Variants in CNTN4 observed in about 807,000 individuals in gnomAD.
CNTN4 encodes contactin-4.
In CNTN4, 77 loss-of-function variants were observed where a neutral mutation model predicts 122.5. The observed-to-expected ratio is 0.63, with a 90% CI of 0.52 to 0.76. CNTN4 has a LOEUF of 0.76. CNTN4 is among the 30% of genes least tolerant of loss of function. The pLI, the probability that CNTN4 is intolerant of heterozygous loss-of-function variation, is 0.00. For synonymous variants in CNTN4, 512 were observed against 447.0 expected, an observed-to-expected ratio of 1.15 and a Z score of -1.83; for missense variants, 1,256 against 1,259.1, an observed-to-expected ratio of 1.00 and a Z score of 0.04.
Position 2,745,690 on chromosome 3 carries a change from G to A in CNTN4, c.351G>A (p.Gln117=). 6.2e-7 allele frequency: 1 copy of A among 1,613,896 alleles called. No individual in the cohort carries two copies. The highest frequency in any genetic ancestry group is 1.1e-5 in the South Asian group (1 of 91,090). ...TTGTTAGCAGAGAAGCAAAGCTTCA[G>A]TTTGCTTGTAAGTAGCAATTATACA... ...GTIVSREAKL[Q]FAYLDNFKTR... Residue 117 remains glutamine (Q), a synonymous_variant, in exon 6 of 25, where the codon CAG becomes CAA. Transcript: ENST00000418658.
intron 8 of CNTN4, among the ~76,000 whole-genome samples, chr3:2,868,338 A>G (rs985091462): frequency 1.3e-5 from 2 of 152,140 alleles, no homozygotes; most frequent in Non-Finnish European, 2.9e-5. Flanking sequence ...TGTCTTACTG[A>G]CTCCAGAGCC....
intron 12 of CNTN4, among the ~76,000 whole-genome samples, chr3:2,911,199 G>A (rs1432179813): frequency 8.1e-6 from 1 of 122,708 alleles, no homozygotes; most frequent in African/African-American, 3.2e-5. Flanking sequence ...TGAGAACAAA[G>A]TCTTATCAAC....
intron 2 of CNTN4, among the ~76,000 whole-genome samples, chr3:2,298,495 T>G (rs545708695): frequency 6.6e-6 from 1 of 152,214 alleles, no homozygotes; most frequent in Non-Finnish European, 1.5e-5. Context: ...AAAATGGAAT[T>G]TGAAAATTTC....
intron 2 of CNTN4, among the ~76,000 whole-genome samples, chr3:2,171,990 C>G (rs1319889159): frequency 1.3e-5 from 2 of 152,128 alleles, no homozygotes; most frequent in East Asian, 3.9e-4. Context: ...TTTCTGGAGC[C>G]CACGCTCAAT....
intron 13 of CNTN4, among the ~76,000 whole-genome samples, chr3:2,980,379 T>C (rs981077645): frequency 1.6e-5 from 2 of 128,820 alleles, no homozygotes; most frequent in Admixed American, 7.9e-5. Context: ...AGGACTAACC[T>C]GTTCTAAGCC....
intron 7 of CNTN4, among the ~76,000 whole-genome samples, chr3:2,852,635 C>A (rs1209093278): frequency 6.6e-6 from 1 of 152,136 alleles, no homozygotes; most frequent in African/African-American, 2.4e-5. Flanking sequence ...CTCCATTTTT[C>A]AGATGAGAAA....
chr3:2,583,066 T>G (rs1559266908), intron 4 of CNTN4, among the ~76,000 whole-genome samples: 1 of 152,184 alleles, frequency 6.6e-6, no homozygotes, highest in Non-Finnish European at 1.5e-5. Context: ...CTATATTGTT[T>G]CCACATGCGT....
chr3:2,544,190 C>T (rs771634800), intron 3 of CNTN4, among the ~76,000 whole-genome samples: 2 of 152,068 alleles, frequency 1.3e-5, no homozygotes, highest in African/African-American at 4.8e-5. Flanking sequence ...CCCATGACAG[C>T]GAGTGGTGCC....
chr3:2,741,927 T>G (rs1164890360), intron 5 of CNTN4, among the ~76,000 whole-genome samples: 1 of 152,238 alleles, frequency 6.6e-6, no homozygotes, highest in Non-Finnish European at 1.5e-5. Context: ...AGAACAAAAC[T>G]TTTTAATCAA....
At chr3:2,676,635 G>A (rs535868476) in intron 4 of CNTN4, among the ~76,000 whole-genome samples, 1 of 152,308 alleles carries the variant, frequency 6.6e-6, no homozygotes, top group Admixed American at 6.5e-5. Context: ...GCAAGAGTTG[G>A]CCAGGTAGAA....
intron 2 of CNTN4, among the ~76,000 whole-genome samples, chr3:2,332,890 A>AT (rs553088905): frequency 6.6e-4 from 99 of 150,694 alleles, no homozygotes; most frequent in African/African-American, 2.2e-3. Flanking sequence ...ATAAAATAAA[A>AT]TTAAAAAAAA....
chr3:2,880,227 A>G (rs576063624), intron 8 of CNTN4, among the ~76,000 whole-genome samples: 181 of 152,364 alleles, frequency 1.2e-3, no homozygotes, highest in South Asian at 4.1e-3. Context: ...GAGGCTGGGA[A>G]AAAACCTGAC....
chr3:2,233,666 C>A (rs964195359), intron 2 of CNTN4, among the ~76,000 whole-genome samples: 1 of 151,982 alleles, frequency 6.6e-6, no homozygotes, highest in Non-Finnish European at 1.5e-5. Context: ...CCAATTGAAC[C>A]GTTTAACAAA....
At chr3:2,106,335 C>G (rs982552543) in intron 2 of CNTN4, among the ~76,000 whole-genome samples, 2 of 152,244 alleles carry the variant, frequency 1.3e-5, no homozygotes, top group African/African-American at 4.8e-5. Flanking sequence ...CCGCACTGCC[C>G]TAACAGAGGT....
At chr3:2,507,568 T>C (rs2076765472) in intron 3 of CNTN4, among the ~76,000 whole-genome samples, 1 of 151,600 alleles carries the variant, frequency 6.6e-6, no homozygotes, top group African/African-American at 2.4e-5. Flanking sequence ...ACCCCGTCTC[T>C]ACTAAAAATA....
chr3:2,138,219 T>G (rs1305055114), intron 2 of CNTN4, among the ~76,000 whole-genome samples: 1 of 151,984 alleles, frequency 6.6e-6, no homozygotes, highest in East Asian at 1.9e-4. Flanking sequence ...GCGCCCGCCA[T>G]CACGCCTGGC....
intron 13 of CNTN4, among the ~76,000 whole-genome samples, chr3:2,976,328 ATTTTCTC>A (rs1473484941): frequency 2.6e-5 from 4 of 152,192 alleles, no homozygotes; most frequent in Non-Finnish European, 4.4e-5. Flanking sequence ...ACACAAGTTT[ATTTTCTC>A]TTTTGAGCAA....
chr3:2,208,915 A>G (rs534852085), intron 2 of CNTN4, among the ~76,000 whole-genome samples: 12 of 152,298 alleles, frequency 7.9e-5, no homozygotes, highest in African/African-American at 2.9e-4. Flanking sequence ...CTGCTAAAAA[A>G]CAATGCACAC....
At chr3:2,943,826 G>A (rs992930351) in intron 13 of CNTN4, among the ~76,000 whole-genome samples, 1 of 151,346 alleles carries the variant, frequency 6.6e-6, no homozygotes. Flanking sequence ...GTTTCATCAT[G>A]TTGGCGAGGT....
Sources: allele counts gnomAD v4.1 joint callset (sites outside exome capture counted in the v4.1 genomes callset), GRCh38; gene constraint gnomAD v4.1.1; transcripts MANE v1.5; gene names NCBI Gene and HGNC (gene_info 2026-07-23, HGNC 2026-07-21).